Variants in SP3 observed in about 807,000 individuals in gnomAD.
The protein encoded by SP3 is Sp3 transcription factor, also known as transcription factor Sp3.
Under a neutral mutation model 70.3 loss-of-function variants are expected in SP3, and 10 were observed. The observed-to-expected ratio is 0.14, with a 90% CI of 0.09 to 0.24. The LOEUF (loss-of-function observed/expected upper bound fraction) is 0.24, where lower values mean the gene tolerates loss of function less well. Among genes scored for constraint, SP3 ranks in the 10% least tolerant of loss-of-function variants. The probability of loss-of-function intolerance (pLI) is 1.00; values close to 1 mark genes in which losing one functional copy is unlikely to be tolerated. For missense variants in SP3, 825 were observed against 914.6 expected, an observed-to-expected ratio of 0.90 and a Z score of 1.26; for synonymous variants, 402 against 333.5, an observed-to-expected ratio of 1.21 and a Z score of -2.24.
chr2:173,961,590 G>T (rs1244329617), intron 3 of SP3, among the ~76,000 whole-genome samples: 2 of 152,144 alleles, frequency 1.3e-5, no homozygotes, highest in Non-Finnish European at 2.9e-5. Context: ...CCTAACATTA[G>T]GGGAAGCTGG....
chr2:173,913,315 T>C (rs1472845900), intron 5 of SP3, 49 bp from the exon 6 acceptor site: 8 of 1,304,030 alleles, frequency 6.1e-6, no homozygotes, highest in East Asian at 2.7e-5. Context: ...AATATTCAAA[T>C]GGACATTACC....
intron 1 of SP3, 97 bp downstream of exon 1, chr2:173,965,068 C>T: frequency 9.4e-6 from 14 of 1,486,378 alleles, no homozygotes; most frequent in Admixed American, 2.0e-5. Flanking sequence ...GTCGCACACA[C>T]GGGGCCGAGA....
chr2:173,941,875 A>G (rs1398023878), intron 4 of SP3, among the ~76,000 whole-genome samples: 2 of 152,350 alleles, frequency 1.3e-5, no homozygotes, highest in South Asian at 2.1e-4. Context: ...AACTCTGTTA[A>G]AATTTTTTCA....
rs114961090 is a variant in SP3, at chr2:173,931,142, A to T, written c.1640-12357T>A. ...AATTTAAAAAAACTTTACAGCTAAAAAATGCTAACAATCATCTGAGCCTTC... is the reference window on the plus strand; with the variant it reads ...AATTTAAAAAAACTTTACAGCTAAATAATGCTAACAATCATCTGAGCCTTC... On this transcript the variant is annotated intron_variant, in intron 4 of 6. Coordinates refer to ENST00000310015, the MANE Select transcript of SP3 (RefSeq NM_003111.5). 8.5e-3 allele frequency among the ~76,000 whole-genome samples: 1,293 copies of T among 152,332 alleles called. 15 individuals are homozygous for T. The highest frequency in any genetic ancestry group is 0.029 in the African/African-American group (1,213 of 41,568).
At position 173,902,340 on chromosome 2, in the gene SP3, G is replaced by A. The variant is rs554361361; in HGVS notation, c.*7601C>T. ...TATCTGCCAAGGCAGGATTGGGAGG[G>A]TATGGAAAAAATGTGAACTCCTATA... is the stretch of plus-strand genomic sequence containing the variant. On this transcript the variant is annotated 3_prime_UTR_variant, in exon 7 of 7. Transcript: ENST00000310015. 3.3e-5 allele frequency among the ~76,000 whole-genome samples: 5 copies of A among 152,296 alleles called. No individual in the cohort carries two copies. Among genetic ancestry groups the A allele is most frequent in the Non-Finnish European group, 5.9e-5 (4 of 68,022 alleles).
Position 173,904,294 on chromosome 2 carries a change from G to A in SP3, c.*5647C>T, listed in dbSNP as rs1689253782. 6.6e-6 allele frequency among the ~76,000 whole-genome samples: 1 copy of A among 152,034 alleles called. No homozygotes were observed. The highest frequency in any genetic ancestry group is 2.1e-4 in the South Asian group (1 of 4,812). ...GTACCGGTCTGTGGCCCAGGGGTTG[G>A]GGACCCTTTTCTATAGGATCAAGTC... On this transcript the variant is annotated 3_prime_UTR_variant, in exon 7 of 7. Transcript: ENST00000310015.
intron 3 of SP3, among the ~76,000 whole-genome samples, chr2:173,958,761 G>GAAATATATTAC (rs1690972006): frequency 6.7e-6 from 1 of 150,120 alleles, no homozygotes. Flanking sequence ...AACTACACTC[G>GAAATATATTAC]ACAATATATT....
chr2:173,952,735 TAATGACACATAC>T (rs1165544136), intron 4 of SP3, among the ~76,000 whole-genome samples: 1 of 152,130 alleles, frequency 6.6e-6, no homozygotes, highest in Non-Finnish European at 1.5e-5. Flanking sequence ...AGAAATGAGG[TAATGACACATAC>T]CATGACACAG....
At position 173,903,161 on chromosome 2, in the gene SP3, G is replaced by A. The variant is rs1689219872; in HGVS notation, c.*6780C>T. Among the ~76,000 whole-genome samples, 1 of 152,232 alleles carries A rather than the reference G, an allele frequency of 6.6e-6. No individual in the cohort carries two copies. The highest frequency in any genetic ancestry group is 2.1e-4 in the South Asian group (1 of 4,832). On this transcript the variant is annotated 3_prime_UTR_variant, in exon 7 of 7. Transcript: ENST00000310015. ...AATAGTTGAAGACAACTATTTTCAA[G>A]TGTAGGAAGACTACTGATTCTTCCA...
chr2:173,911,407 A>G (rs906727358), intron 6 of SP3, among the ~76,000 whole-genome samples: 4 of 152,082 alleles, frequency 2.6e-5, no homozygotes, highest in Admixed American at 6.6e-5. Context: ...ACATACCACC[A>G]TTTTTCTACT....
chr2:173,964,158 C>A (rs1253496318), intron 2 of SP3: 1 of 390,806 alleles, frequency 2.6e-6, no homozygotes, highest in African/African-American at 2.1e-5. Context: ...GGAACCCACC[C>A]CCGGGAGGGC....
In SP3 at chr2:173,952,386, C is replaced by T. The variant is rs138598574; in HGVS notation, c.1639+2487G>A. On this transcript the variant is annotated intron_variant, in intron 4 of 6. Transcript: ENST00000310015. The stretch of plus-strand genomic sequence containing the variant: ...ACAAACCAAAACCATAAAAAGATAC[C>T]ACTTCACACCCACTAGGATGGCTGT... Among the ~76,000 whole-genome samples, 10 of 152,158 alleles carry T rather than the reference C, an allele frequency of 6.6e-5. No homozygotes were observed. The East Asian group carries it at 1.9e-3, about 29-fold the overall frequency.
At chr2:173,948,601 T>A (rs886649585) in intron 4 of SP3, among the ~76,000 whole-genome samples, 1 of 152,202 alleles carries the variant, frequency 6.6e-6, no homozygotes, top group African/African-American at 2.4e-5. Context: ...ATATGCAGTA[T>A]AATTATGACA....
At chr2:173,920,181 C>G (rs1277662928) in intron 4 of SP3, among the ~76,000 whole-genome samples, 1 of 151,718 alleles carries the variant, frequency 6.6e-6, no homozygotes, top group Non-Finnish European at 1.5e-5. Flanking sequence ...AGATTCATAA[C>G]AATTGGCAAT....
At chr2:173,912,182 A>G (rs920055951) in intron 6 of SP3, among the ~76,000 whole-genome samples, 2 of 152,186 alleles carry the variant, frequency 1.3e-5, no homozygotes, top group African/African-American at 4.8e-5. Context: ...CTGTCTACCT[A>G]CCCAATGAGA....
At chr2:173,928,525 T>C (rs1035682015) in intron 4 of SP3, among the ~76,000 whole-genome samples, 3 of 148,188 alleles carry the variant, frequency 2.0e-5, no homozygotes, top group African/African-American at 5.0e-5. Context: ...AAAGCAGAAC[T>C]GCCTGTAAAT....
intron 3 of SP3, among the ~76,000 whole-genome samples, chr2:173,959,445 G>A (rs183905766): frequency 6.6e-6 from 1 of 150,606 alleles, no homozygotes; most frequent in Non-Finnish European, 1.5e-5. Context: ...GTACAACCGT[G>A]ACAGGGCCGG....
intron 4 of SP3, among the ~76,000 whole-genome samples, chr2:173,951,520 T>C (rs1343588605): frequency 6.6e-6 from 1 of 152,230 alleles, no homozygotes; most frequent in Admixed American, 6.5e-5. Context: ...CAAATCTCTG[T>C]AATGTCTAGA....
At chr2:173,960,015 C>A (rs1178338680) in intron 3 of SP3, among the ~76,000 whole-genome samples, 1 of 152,026 alleles carries the variant, frequency 6.6e-6, no homozygotes, top group African/African-American at 2.4e-5. Context: ...ACAAAAAATA[C>A]AAAAATTAGC....
Sources: allele counts gnomAD v4.1 joint callset (sites outside exome capture counted in the v4.1 genomes callset), GRCh38; gene constraint gnomAD v4.1.1; transcripts MANE v1.5; gene names NCBI Gene and HGNC (gene_info 2026-07-23, HGNC 2026-07-21).